The following ERC2 variants were observed in gnomAD, a reference collection of about 807,000 sequenced individuals.
ERC2 encodes ERC protein 2.
A neutral mutation model predicts 114.8 loss-of-function variants in ERC2; 42 were observed. The ratio of observed to expected loss-of-function variants is 0.37; its 90% CI spans 0.29 to 0.47. The LOEUF (loss-of-function observed/expected upper bound fraction) is 0.47. Ranked by LOEUF, ERC2 falls within the 20% of genes least tolerant of loss-of-function variation. The pLI is 0.99. For missense variants in ERC2, 939 were observed against 1,150.7 expected, an observed-to-expected ratio of 0.82 and a Z score of 2.66; for synonymous variants, 454 against 425.5, an observed-to-expected ratio of 1.07 and a Z score of -0.82.
chr3:55,618,093 C>A (rs1321159430), intron 17 of ERC2, among the ~76,000 whole-genome samples: 1 of 151,968 alleles, frequency 6.6e-6, no homozygotes, highest in Non-Finnish European at 1.5e-5. Flanking sequence ...GTGTTTACTT[C>A]TGTAAAGATA....
chr3:55,978,548 C>T (rs555308324), intron 12 of ERC2, among the ~76,000 whole-genome samples: 1 of 152,332 alleles, frequency 6.6e-6, no homozygotes, highest in African/African-American at 2.4e-5. Flanking sequence ...TCACCTGTTA[C>T]TCTTGGCATG....
At chr3:55,805,131 G>T (rs1243050263) in intron 14 of ERC2, among the ~76,000 whole-genome samples, 1 of 151,954 alleles carries the variant, frequency 6.6e-6, no homozygotes, top group Non-Finnish European at 1.5e-5. Context: ...TACTGCCAAT[G>T]CTCCTCTAGA....
At chr3:55,630,642 T>C (rs930231288) in intron 17 of ERC2, among the ~76,000 whole-genome samples, 1 of 152,132 alleles carries the variant, frequency 6.6e-6, no homozygotes, top group African/African-American at 2.4e-5. Context: ...TCTGCAGCCA[T>C]CAAAGACACT....
chr3:55,781,553 G>A (rs917197566), intron 14 of ERC2, among the ~76,000 whole-genome samples: 4 of 151,510 alleles, frequency 2.6e-5, no homozygotes, highest in Non-Finnish European at 5.9e-5. Context: ...CAGAAAGTCT[G>A]AGGAGATGAA....
At chr3:55,568,566 T>C (rs1172117955) in intron 17 of ERC2, among the ~76,000 whole-genome samples, 2 of 152,176 alleles carry the variant, frequency 1.3e-5, no homozygotes. Context: ...TACTATTACC[T>C]TTCACTTGAA....
chr3:56,355,539 T>C (rs2058717135), intron 2 of ERC2, among the ~76,000 whole-genome samples: 1 of 152,090 alleles, frequency 6.6e-6, no homozygotes, highest in African/African-American at 2.4e-5. Context: ...CTTGAATTTC[T>C]GCACTCAAGC....
intron 17 of ERC2, among the ~76,000 whole-genome samples, chr3:55,551,000 A>T (rs1181077170): frequency 3.3e-5 from 5 of 150,268 alleles, no homozygotes; most frequent in Non-Finnish European, 7.4e-5. Context: ...TGGGTGACAA[A>T]GCAAGACTCC....
intron 3 of ERC2, among the ~76,000 whole-genome samples, chr3:56,253,708 C>T (rs2052332814): frequency 6.6e-6 from 1 of 152,188 alleles, no homozygotes; most frequent in African/African-American, 2.4e-5. Context: ...GCACATCTCT[C>T]AGACTTTAAG....
At chr3:56,214,089 CA>C (rs1212463211) in intron 3 of ERC2, among the ~76,000 whole-genome samples, 1 of 152,186 alleles carries the variant, frequency 6.6e-6, no homozygotes, top group Non-Finnish European at 1.5e-5. Flanking sequence ...TTCTAAAACT[CA>C]GAGCGCCTCT....
chr3:55,558,186 T>C (rs1327064082), intron 17 of ERC2, among the ~76,000 whole-genome samples: 1 of 152,222 alleles, frequency 6.6e-6, no homozygotes, highest in Non-Finnish European at 1.5e-5. Flanking sequence ...GATCCTTTGA[T>C]TAACGTCTGT....
At chr3:56,112,695 C>G (rs1190435972) in intron 6 of ERC2, among the ~76,000 whole-genome samples, 1 of 152,026 alleles carries the variant, frequency 6.6e-6, no homozygotes, top group Admixed American at 6.6e-5. Flanking sequence ...TAAGTTCATA[C>G]ATATATTAGG....
intron 3 of ERC2, among the ~76,000 whole-genome samples, chr3:56,251,627 G>A (rs1009446489): frequency 9.9e-5 from 15 of 152,184 alleles, no homozygotes; most frequent in African/African-American, 3.1e-4. Flanking sequence ...GAGCTAAGAA[G>A]AAACTTAGTT....
chr3:56,150,659 C>A (rs914436270), intron 4 of ERC2, among the ~76,000 whole-genome samples: 2 of 152,008 alleles, frequency 1.3e-5, no homozygotes, highest in African/African-American at 2.4e-5. Context: ...ATGGAGAAAA[C>A]CTCTAATCCT....
At position 55,755,814 on chromosome 3, in the gene ERC2, G is replaced by A. The variant is rs530636058; in HGVS notation, c.2565-20896C>T. 5.9e-5 allele frequency among the ~76,000 whole-genome samples: 9 copies of A among 152,174 alleles called. No individual in the cohort carries two copies. In the East Asian group the frequency reaches 7.7e-4, roughly 13 times the overall value. The stretch of plus-strand genomic sequence containing the variant: ...GAAACAGCAATTTTTTAAATTAAAC[G>A]TACATCGAACGTTCGCTTATATACA... On this transcript the variant is annotated intron_variant, in intron 14 of 17. Coordinates refer to ENST00000288221, the MANE Select transcript of ERC2 (RefSeq NM_015576.3).
At chr3:55,856,924 A>G (rs1158041335) in intron 14 of ERC2, among the ~76,000 whole-genome samples, 3 of 152,232 alleles carry the variant, frequency 2.0e-5, no homozygotes, top group Admixed American at 6.5e-5. Context: ...AAAAGGCCAC[A>G]TATTGTATGA....
Position 56,296,173 on chromosome 3 carries a change from T to G in ERC2, c.920A>C (p.Lys307Thr), listed in dbSNP as rs761669584. The G allele has an allele frequency of 6.2e-7, 1 of 1,614,038 alleles. No individual in the cohort carries two copies. Among genetic ancestry groups the G allele is most frequent in the Non-Finnish European group, 8.5e-7 (1 of 1,179,896 alleles). ...TLNARDESIK[K>T]LLEMLQSKGL... ...TTTACTTTGCAACATCTCAAGAAGT[T>G]TTTTAATTGACTCATCTCGGGCATT... is the stretch of plus-strand genomic sequence containing the variant. Residue 307 changes from lysine to threonine, a missense_variant, in exon 3 of 18, where the codon AAA (lysine) becomes ACA (threonine). By Grantham distance (78) the Lys-to-Thr change is moderately conservative. Coordinates refer to ENST00000288221, the MANE Select transcript of ERC2 (RefSeq NM_015576.3).
chr3:55,709,639 T>C (rs1031193458), intron 15 of ERC2, among the ~76,000 whole-genome samples: 1 of 152,076 alleles, frequency 6.6e-6, no homozygotes, highest in African/African-American at 2.4e-5. Context: ...TGGAAGCAAA[T>C]GCAATCTGGG....
intron 4 of ERC2, among the ~76,000 whole-genome samples, chr3:56,152,247 A>T (rs2081451986): frequency 6.6e-6 from 1 of 152,192 alleles, no homozygotes; most frequent in African/African-American, 2.4e-5. Flanking sequence ...TATTCTATTT[A>T]ATTTTATTTA....
intron 2 of ERC2, among the ~76,000 whole-genome samples, chr3:56,343,477 G>A (rs143157697): frequency 6.6e-6 from 1 of 151,950 alleles, no homozygotes; most frequent in African/African-American, 2.4e-5. Flanking sequence ...AATTAGCCAG[G>A]TGTGGTGCCA....
Sources: gnomAD v4.1 joint callset for allele counts (sites outside exome capture counted in the v4.1 genomes callset) on GRCh38, gnomAD v4.1.1 for gene constraint, MANE v1.5 for transcripts, NCBI Gene and HGNC (gene_info 2026-07-23, HGNC 2026-07-21) for gene names.